The following CHERP variants were observed in gnomAD, a reference collection of about 807,000 sequenced individuals.
The protein encoded by CHERP is ERPROT 213-21.
In CHERP, 8 loss-of-function variants were observed where a neutral mutation model predicts 113.8. The ratio of observed to expected loss-of-function variants is 0.07; its 90% CI spans 0.04 to 0.13. CHERP has a LOEUF of 0.13. CHERP is among the 10% of genes least tolerant of loss of function. CHERP has a pLI of 1.00. For missense variants in CHERP, 884 were observed against 1,298.2 expected (o/e 0.68, Z 4.90); for synonymous variants, 559 against 524.5 (o/e 1.07, Z -0.90).
intron 2 of CHERP, 149 bp downstream of exon 2, chr19:16,541,721 G>C (rs2085781212): frequency 3.6e-6 from 3 of 843,148 alleles, no homozygotes; most frequent in Non-Finnish European, 5.6e-6. Context: ...GCAGGGCCGT[G>C]GGAACAGCGG....
chr19:16,519,457 AG>A lies in CHERP; in HGVS notation c.2558-106del. On this transcript the variant is annotated intron_variant, in intron 16 of 16. Coordinates refer to ENST00000546361, the MANE Select transcript of CHERP (RefSeq NM_006387.6). This position sits in a 1 kb window ranked among gnomAD's most constrained non-coding sequence, Gnocchi z 6.0. ...GGCAGTGTAGACATGGGAAATGGGT[AG>A]AGAGAACCCGCAGGCCGGCCCTGTC... 1 of 1,339,770 alleles carries A rather than the reference AG, an allele frequency of 7.5e-7. No individual in the cohort carries two copies. The highest frequency in any genetic ancestry group is 1.0e-6 in the Non-Finnish European group (1 of 963,784). The allele number at this position is 1,339,770 out of a possible 1,614,324, so 83.0% of individuals were successfully genotyped here. A position where few individuals can be genotyped will look rare whatever the true frequency, so the allele number is the denominator to read the frequency against.
Position 16,520,490 on chromosome 19 carries a change from C to T in CHERP, c.2219G>A (p.Arg740Gln), listed in dbSNP as rs759063404. 3.2e-5 allele frequency: 51 copies of T among 1,613,392 alleles called. No individual in the cohort carries two copies. The highest frequency in any genetic ancestry group is 6.7e-5 in the Admixed American group (4 of 59,952). ...ACGCCCTCGACTCTTGGATCTGCTCCGAGACCTCGAGGGTCCGCTGTGGGG... is the reference window on the plus strand; with the variant it reads ...ACGCCCTCGACTCTTGGATCTGCTCTGAGACCTCGAGGGTCCGCTGTGGGG... Reference protein sequence around the residue: ...EKRNSGPSRSRSRSKSRGRSS... With the variant: ...EKRNSGPSRSQSRSKSRGRSS... Residue 740 changes from arginine to glutamine, a missense_variant, in exon 14 of 17, where the codon CGG (arginine) becomes CAG (glutamine). Arg to Gln is a conservative substitution (Grantham distance 43, BLOSUM62 1). Coordinates refer to ENST00000546361, the MANE Select transcript of CHERP (RefSeq NM_006387.6). This position sits in a 1 kb window ranked among gnomAD's most constrained non-coding sequence, Gnocchi z 4.0.
At position 16,528,245 on chromosome 19, in the gene CHERP, C is replaced by G. The variant is rs1478349805; in HGVS notation, c.1140G>C (p.Lys380Asn). 1 of 1,579,090 alleles carries G rather than the reference C, an allele frequency of 6.3e-7. No homozygotes were observed. The highest frequency in any genetic ancestry group is 2.2e-5 in the East Asian group (1 of 44,562). ...AAGAGCCAGGCATCTGGATGGGAGG[C>G]TTGCTGTCATCTAAATCCAAGTGAC... ...IPPTTQPDDSKPPIQMPGSSE... is the reference protein window; with the variant it reads ...IPPTTQPDDSNPPIQMPGSSE... The change falls in exon 9 of 17, where the codon AAG becomes AAC. Residue 380 changes from lysine to asparagine, a missense_variant. By Grantham distance (94) the Lys-to-Asn change is moderately conservative. Transcript: ENST00000546361.
chr19:16,520,634 A>G lies in CHERP; in HGVS notation c.2202-127T>C, dbSNP rs2085603989. On this transcript the variant is annotated intron_variant, in intron 13 of 16. Coordinates refer to ENST00000546361, the MANE Select transcript of CHERP (RefSeq NM_006387.6). The surrounding 1 kb of genome is among the most constrained non-coding windows in gnomAD (Gnocchi z 4.0). ...GCTGTGGATGTGGCGCCATAGCCAC[A>G]GCAACGGTACCAAGTTCCTAAATAG... 14 of 1,243,676 alleles carry G rather than the reference A, an allele frequency of 1.1e-5. No individual in the cohort carries two copies. The highest frequency in any genetic ancestry group is 1.4e-5 in the South Asian group (1 of 73,166). The allele number at this position is 1,243,676 out of a possible 1,614,324, so 77.0% of individuals were successfully genotyped here.
At position 16,529,549 on chromosome 19, in the gene CHERP, A is replaced by G. The variant is rs1019035394; in HGVS notation, c.1129+99T>C. On this transcript the variant is annotated intron_variant, in intron 8 of 16. Coordinates refer to ENST00000546361, the MANE Select transcript of CHERP (RefSeq NM_006387.6). ...GCAGGCCTGGGACGAGGGAACAAGAACTGAGTCTGAGGGTGGCAGACTGCT... is the reference window on the plus strand; with the variant it reads ...GCAGGCCTGGGACGAGGGAACAAGAGCTGAGTCTGAGGGTGGCAGACTGCT... 1.9e-5 allele frequency: 27 copies of G among 1,412,666 alleles called. No individual in the cohort carries two copies. In the Admixed American group the frequency reaches 5.3e-4, roughly 28 times the overall value. The allele number at this position is 1,412,666 out of a possible 1,614,324, so 87.5% of individuals were successfully genotyped here.
intron 2 of CHERP, chr19:16,540,038 A>C (rs887958231): frequency 3.3e-5 from 5 of 151,938 alleles, no homozygotes; most frequent in African/African-American, 1.2e-4. Flanking sequence ...GCCCCTTTGC[A>C]ATGTTCTACT....
In CHERP at chr19:16,520,487, C is replaced by T; in HGVS notation, c.2222G>A (p.Ser741Asn). 1.2e-6 allele frequency: 2 copies of T among 1,613,676 alleles called. No individual in the cohort carries two copies. Among genetic ancestry groups the T allele is most frequent in the Non-Finnish European group, 1.7e-6 (2 of 1,179,784 alleles). The change falls in exon 14 of 17, where the codon AGC becomes AAC. Residue 741 changes from serine to asparagine, a missense_variant. Ser to Asn is a conservative substitution (Grantham distance 46). This residue lies in a region of CHERP where 159 missense variants were observed against 185.8 expected (regional missense o/e 0.86). Transcript: ENST00000546361. The surrounding 1 kb of genome is among the most constrained non-coding windows in gnomAD (Gnocchi z 4.0). ...AGAACGCCCTCGACTCTTGGATCTG[C>T]TCCGAGACCTCGAGGGTCCGCTGTG... ...KRNSGPSRSR[S>N]RSKSRGRSSS...
intron 2 of CHERP, 78 bp downstream of exon 2, chr19:16,541,792 G>A (rs1333096491): frequency 1.3e-5 from 18 of 1,434,196 alleles, no homozygotes; most frequent in Non-Finnish European, 1.6e-5. Context: ...GAAAGAAAGA[G>A]GTTTGTGGCA....
In CHERP at chr19:16,535,665, T is replaced by C; in HGVS notation, c.200-29A>G. The C allele has an allele frequency of 1.4e-6, 2 of 1,474,012 alleles. No homozygotes were observed. The highest frequency in any genetic ancestry group is 1.8e-6 in the Non-Finnish European group (2 of 1,114,922). 91.3% of individuals were successfully genotyped at this position (1,474,012 alleles called of 1,614,324 possible). A position where few individuals can be genotyped will look rare whatever the true frequency, so the allele number is the denominator to read the frequency against. ...GAGGGAGAGGAGGAGGGGTGCCCCA[T>C]GAGAATGCAGATGGGGGTCTAGGTG... is the stretch of plus-strand genomic sequence containing the variant. On this transcript the variant is annotated intron_variant, in intron 2 of 16. Coordinates refer to ENST00000546361, the MANE Select transcript of CHERP (RefSeq NM_006387.6). The surrounding 1 kb of genome is among the most constrained non-coding windows in gnomAD (Gnocchi z 4.3).
intron 9 of CHERP, among the ~76,000 whole-genome samples, chr19:16,527,359 T>TG (rs2085663556): frequency 6.6e-6 from 1 of 152,176 alleles, no homozygotes; most frequent in Non-Finnish European, 1.5e-5. Flanking sequence ...GTCCTGAAGC[T>TG]GGGGATGGGA....
chr19:16,522,510 C>T (rs183669247), intron 11 of CHERP, among the ~76,000 whole-genome samples: 4 of 152,264 alleles, frequency 2.6e-5, no homozygotes, highest in East Asian at 1.9e-4. Flanking sequence ...CCGCCCGCCT[C>T]GGCCTCCCAA....
intron 11 of CHERP, among the ~76,000 whole-genome samples, chr19:16,522,390 C>T (rs1004835418): frequency 3.3e-5 from 5 of 152,220 alleles, no homozygotes; most frequent in Non-Finnish European, 7.3e-5. Flanking sequence ...TCCCGAGCAG[C>T]TGGGACTACA....
intron 10 of CHERP, among the ~76,000 whole-genome samples, chr19:16,524,228 C>A (rs2122252078): frequency 6.6e-6 from 1 of 151,920 alleles, no homozygotes; most frequent in South Asian, 2.1e-4. Flanking sequence ...GCCTGCGTGA[C>A]AGTGAGGCTC....
At position 16,523,013 on chromosome 19, in the gene CHERP, G is replaced by A. The variant is rs1030316223; in HGVS notation, c.1980+39C>T. ...ACAAGGAGAAACGGGGACCAGTATG[G>A]TAAGCGTGCTCAGCTTGGAGCCCAC... On this transcript the variant is annotated intron_variant, in intron 11 of 16. Transcript: ENST00000546361. The surrounding 1 kb of genome is among the most constrained non-coding windows in gnomAD (Gnocchi z 4.0). 5.4e-6 allele frequency: 8 copies of A among 1,488,388 alleles called. No homozygotes were observed. In the African/African-American group the frequency reaches 1.2e-4, roughly 22 times the overall value. The allele number at this position is 1,488,388 out of a possible 1,614,324, so 92.2% of individuals were successfully genotyped here. A position where few individuals can be genotyped will look rare whatever the true frequency, so the allele number is the denominator to read the frequency against.
Position 16,520,278 on chromosome 19 carries a change from G to A in CHERP, c.2346-13C>T. 2 of 1,613,502 alleles carry A rather than the reference G, an allele frequency of 1.2e-6. No homozygotes were observed. The highest frequency in any genetic ancestry group is 1.1e-5 in the South Asian group (1 of 91,068). On this transcript the variant is annotated splice_polypyrimidine_tract_variant and intron_variant, in intron 14 of 16. Coordinates refer to ENST00000546361, the MANE Select transcript of CHERP (RefSeq NM_006387.6). This position sits in a 1 kb window ranked among gnomAD's most constrained non-coding sequence, Gnocchi z 4.0. ...CCTGCTCCGACTTCTGCAGGGAAGGGTGCCCAAGGGTCAGCAGCAGCCAGG... is the reference window on the plus strand; with the variant it reads ...CCTGCTCCGACTTCTGCAGGGAAGGATGCCCAAGGGTCAGCAGCAGCCAGG...
At chr19:16,541,745 TG>T in intron 2 of CHERP, 124 bp downstream of exon 2, 1 of 999,880 alleles carries the variant, frequency 1.0e-6, no homozygotes, top group Non-Finnish European at 1.5e-6. Flanking sequence ...AGGGATCGTG[TG>T]GACCGAGCTG....
rs199915157 is a variant in CHERP, at chr19:16,535,081, A to G, written c.384+371T>C. Among the ~76,000 whole-genome samples the G allele has an allele frequency of 1.3e-5, 2 of 151,490 alleles. No homozygotes were observed. Among genetic ancestry groups the G allele is most frequent in the Admixed American group, 1.3e-4 (2 of 15,236 alleles). The stretch of plus-strand genomic sequence containing the variant: ...ACAGAACAAGACTTAAAAAAAAAAA[A>G]GGGTCCTTCCCCAACCAACAGCTCC... On this transcript the variant is annotated intron_variant, in intron 3 of 16. Transcript: ENST00000546361. This position sits in a 1 kb window ranked among gnomAD's most constrained non-coding sequence, Gnocchi z 4.3.
At chr19:16,542,102 A>C in intron 1 of CHERP, 59 bp from the exon 2 acceptor site, 1 of 1,534,710 alleles carries the variant, frequency 6.5e-7, no homozygotes, top group South Asian at 1.2e-5. Flanking sequence ...AAGCCGGGGG[A>C]CTCGGCGCCC....
Position 16,519,805 on chromosome 19 carries a change from T to A in CHERP, c.2463-90A>T. 9.0e-7 allele frequency: 1 copy of A among 1,107,794 alleles called. No individual in the cohort carries two copies. Among genetic ancestry groups the A allele is most frequent in the Non-Finnish European group, 1.4e-6 (1 of 720,862 alleles). 68.6% of individuals were successfully genotyped at this position (1,107,794 alleles called of 1,614,324 possible). ...GAGGACCTCACAGCCGCAGCTTGCG[T>A]GCATGCTCACTGTCACCAGGTGACA... is the stretch of plus-strand genomic sequence containing the variant. On this transcript the variant is annotated intron_variant, in intron 15 of 16. Transcript: ENST00000546361. The surrounding 1 kb of genome is among the most constrained non-coding windows in gnomAD (Gnocchi z 6.0).
Sources: allele counts gnomAD v4.1 joint callset (sites outside exome capture counted in the v4.1 genomes callset), GRCh38; gene constraint gnomAD v4.1.1; regional missense constraint gnomAD v4.1.1; non-coding constraint Gnocchi (gnomAD v3.1); transcripts MANE v1.5; gene names NCBI Gene and HGNC (gene_info 2026-07-23, HGNC 2026-07-21).